The following FCGR1A variants were observed in gnomAD, a reference collection of about 807,000 sequenced individuals.
The protein encoded by FCGR1A is Fc gamma receptor Ia, also known as high affinity immunoglobulin gamma Fc receptor I.
FCGR1A carries 13 observed loss-of-function variants against 35.0 expected under a neutral mutation model. The ratio of observed to expected loss-of-function variants is 0.37; its 90% CI spans 0.24 to 0.59. The LOEUF is 0.59. Ranked by LOEUF, FCGR1A falls within the 20% of genes least tolerant of loss-of-function variation. The probability of loss-of-function intolerance (pLI) is 0.71; values close to 1 mark genes in which losing one functional copy is unlikely to be tolerated. For missense variants in FCGR1A, 227 were observed against 430.0 expected (o/e 0.53, Z 4.17); for synonymous variants, 91 against 164.7 (o/e 0.55, Z 3.43).
chr1:149,793,293 C>G (rs1347453259), downstream of FCGR1A: 3 of 1,191,080 alleles, frequency 2.5e-6, no homozygotes, highest in Non-Finnish European at 3.2e-6. Context: ...CCCGCCTCCC[C>G]GTCCAGCTCG....
At chr1:149,786,730 CCATTT>C (rs2091561264) in intron 3 of FCGR1A, 1 of 152,104 alleles carries the variant, frequency 6.6e-6, no homozygotes, top group African/African-American at 2.4e-5. Context: ...ACTACCATTA[CCATTT>C]AAGTTTAAAA....
At chr1:149,793,255 G>A, downstream of FCGR1A, 1 of 1,249,084 alleles carries the variant, frequency 8.0e-7, no homozygotes. Flanking sequence ...GCGGCAGGGA[G>A]GGAGCGGGTG....
In FCGR1A at chr1:149,791,238, C is replaced by A; in HGVS notation, c.846C>A (p.Gly282=). The A allele has an allele frequency of 6.2e-7, 1 of 1,605,538 alleles. No homozygotes were observed. Among genetic ancestry groups the A allele is most frequent in the Admixed American group, 1.7e-5 (1 of 59,610 alleles). ...TCTCTTTGTCTTTTTCTGTTTCAGG[C>A]CTCCAGTTACCAACTCCTGTCTGGT... ...RSPELELQVL[G]LQLPTPVWFH... is the part of the protein sequence containing the mutation. The change falls in exon 6 of 6, where the codon GGC becomes GGA. Residue 282 remains glycine, a splice_region_variant and synonymous_variant. Coordinates refer to ENST00000369168, the MANE Select transcript of FCGR1A (RefSeq NM_000566.4).
At chr1:149,797,218 G>T in the FCGR1A span, among the ~76,000 whole-genome samples, 1 of 152,080 alleles carries the variant, frequency 6.6e-6, no homozygotes, top group Non-Finnish European at 1.5e-5. Flanking sequence ...TGGCCTTGGT[G>T]CTATTTTTAA....
chr1:149,799,391 A>C, the FCGR1A span, among the ~76,000 whole-genome samples: 1 of 152,238 alleles, frequency 6.6e-6, no homozygotes, highest in African/African-American at 2.4e-5. Context: ...CTGTGAATCT[A>C]GGTGAGGGTC....
chr1:149,785,412 T>C (rs1195426404), intron 3 of FCGR1A, among the ~76,000 whole-genome samples: 7 of 129,864 alleles, frequency 5.4e-5, no homozygotes, highest in Admixed American at 1.5e-4. Context: ...TGTTTCGTTT[T>C]TTTTTTTTTT....
the FCGR1A span, among the ~76,000 whole-genome samples, chr1:149,799,608 G>C: frequency 6.6e-5 from 10 of 152,280 alleles, no homozygotes; most frequent in Admixed American, 3.9e-4. Flanking sequence ...TGCACAATCA[G>C]CAAATCTTAT....
the FCGR1A span, among the ~76,000 whole-genome samples, chr1:149,797,147 A>G: frequency 1.3e-5 from 2 of 152,214 alleles, no homozygotes; most frequent in Non-Finnish European, 2.9e-5. Flanking sequence ...TCTTGACTTC[A>G]AATAATTCAC....
At chr1:149,787,406 C>G (rs1231873325) in intron 3 of FCGR1A, 1 of 152,076 alleles carries the variant, frequency 6.6e-6, no homozygotes, top group East Asian at 1.9e-4. Context: ...AGGTGTATGT[C>G]GAAAGGAAAA....
chr1:149,793,657 G>A (rs1458725103), downstream of FCGR1A, among the ~76,000 whole-genome samples: 2 of 151,752 alleles, frequency 1.3e-5, no homozygotes, highest in Non-Finnish European at 2.9e-5. Flanking sequence ...CCAAGCCAAA[G>A]CACAGCTCCC....
In FCGR1A at chr1:149,791,639, C is replaced by T. The variant is rs1365236053; in HGVS notation, c.*122C>T. On this transcript the variant is annotated 3_prime_UTR_variant, in exon 6 of 6. Coordinates refer to ENST00000369168, the MANE Select transcript of FCGR1A (RefSeq NM_000566.4). ...GAACTGTGTGTCTCATGGTATGTAACTCTTAAAGCAAATAAATGAACTGAC... is the reference window on the plus strand; with the variant it reads ...GAACTGTGTGTCTCATGGTATGTAATTCTTAAAGCAAATAAATGAACTGAC... The T allele has an allele frequency of 6.7e-7, 1 of 1,498,852 alleles. No individual in the cohort carries two copies. Among genetic ancestry groups the T allele is most frequent in the Non-Finnish European group, 8.9e-7 (1 of 1,124,060 alleles). 92.8% of individuals were successfully genotyped at this position (1,498,852 alleles called of 1,614,324 possible).
At chr1:149,800,245 C>T in the FCGR1A span, among the ~76,000 whole-genome samples, 41 of 152,184 alleles carry the variant, frequency 2.7e-4, no homozygotes, top group East Asian at 3.8e-4. Context: ...CTGGGTGCGC[C>T]GCCCTTCAGG....
chr1:149,785,904 T>C (rs1219909311), intron 3 of FCGR1A: 1 of 152,116 alleles, frequency 6.6e-6, no homozygotes, highest in Non-Finnish European at 1.5e-5. Context: ...TGGGACAGGA[T>C]GTACTCTTTT....
chr1:149,787,335 A>AGAG (rs1553750944), intron 3 of FCGR1A: 1 of 152,216 alleles, frequency 6.6e-6, no homozygotes, highest in Non-Finnish European at 1.5e-5. Context: ...ATTTTTACTT[A>AGAG]GCCAAACCAA....
chr1:149,792,787 G>A (rs1553752203), downstream of FCGR1A: 9 of 1,279,610 alleles, frequency 7.0e-6, 1 homozygote, highest in Non-Finnish European at 9.1e-6. Context: ...CTGCAGGAGC[G>A]AGAAATGAGC....
At chr1:149,789,274 T>C (rs2091635087) in intron 4 of FCGR1A, among the ~76,000 whole-genome samples, 1 of 152,016 alleles carries the variant, frequency 6.6e-6, no homozygotes, top group South Asian at 2.1e-4. Flanking sequence ...GCACCTGTAG[T>C]CCCAGCTACT....
At chr1:149,786,246 C>T (rs1389437871) in intron 3 of FCGR1A, 2 of 152,000 alleles carry the variant, frequency 1.3e-5, no homozygotes, top group Admixed American at 6.5e-5. Context: ...TTTGGGTATC[C>T]TTTTTTGTAA....
chr1:149,785,411 T>TC (rs1290764013), intron 3 of FCGR1A, among the ~76,000 whole-genome samples: 1 of 127,246 alleles, frequency 7.9e-6, no homozygotes, highest in Non-Finnish European at 1.7e-5. Flanking sequence ...CTGTTTCGTT[T>TC]TTTTTTTTTT....
intron 5 of FCGR1A, 130 bp downstream of exon 5, chr1:149,790,468 C>G (rs1489207652): frequency 4.6e-5 from 67 of 1,466,914 alleles, no homozygotes; most frequent in Non-Finnish European, 5.9e-5. Context: ...AGCCCACAAG[C>G]AGGCCTTTCC....
Sources: allele counts gnomAD v4.1 joint callset (sites outside exome capture counted in the v4.1 genomes callset), GRCh38; gene constraint gnomAD v4.1.1; transcripts MANE v1.5; gene names NCBI Gene and HGNC (gene_info 2026-07-23, HGNC 2026-07-21).